ZNF84: variants seen among roughly 807,000 people sequenced by gnomAD.
ZNF84 encodes the protein zinc finger protein 84, also known as zinc finger protein HPF2.
In ZNF84, 12 loss-of-function variants were observed where a neutral mutation model predicts 14.8. That is an observed-to-expected ratio of 0.81 (90% CI 0.52 to 1.31). ZNF84 has a LOEUF of 1.31. Ranked by LOEUF, ZNF84 falls within the 50% of genes most tolerant of loss-of-function variation. The probability of loss-of-function intolerance (pLI) is 0.00; values close to 1 mark genes in which losing one functional copy is unlikely to be tolerated. For synonymous variants in ZNF84, 347 were observed against 291.1 expected (o/e 1.19, Z -1.96); for missense variants, 859 against 878.6 (o/e 0.98, Z 0.28).
At chr12:133,046,973 T>TTA (rs61361964) in intron 2 of ZNF84, among the ~76,000 whole-genome samples, 64,701 of 140,774 alleles carry the variant, frequency 0.46, 16,731 homozygotes, top group East Asian at 0.78. Flanking sequence ...ATTATATTAT[T>TTA]TATATATATA....
intron 4 of ZNF84, among the ~76,000 whole-genome samples, chr12:133,056,215 A>C (rs1954155257): frequency 6.6e-6 from 1 of 152,130 alleles, no homozygotes; most frequent in Non-Finnish European, 1.5e-5. Flanking sequence ...TTTCCATTAC[A>C]ATATAAATTT....
chr12:133,059,070 G>T lies in ZNF84; in HGVS notation c.*138G>T, dbSNP rs1954213576. ...AGAACTCTAAATGAGGTGGTGTATG[G>T]AAAGCCGATCATAATTCATAGAGTA... On this transcript the variant is annotated 3_prime_UTR_variant, in exon 5 of 5. Transcript: ENST00000539354. 1 of 856,248 alleles carries T rather than the reference G, an allele frequency of 1.2e-6. No individual in the cohort carries two copies. Among genetic ancestry groups the T allele is most frequent in the Non-Finnish European group, 1.8e-6 (1 of 561,936 alleles). 53.0% of individuals were successfully genotyped at this position (856,248 alleles called of 1,614,324 possible).
intron 2 of ZNF84, among the ~76,000 whole-genome samples, chr12:133,043,423 C>G (rs1016028081): frequency 8.5e-5 from 13 of 152,312 alleles, no homozygotes; most frequent in East Asian, 3.9e-4. Context: ...CCTTAGCCCC[C>G]CAAAGTGTGT....
chr12:133,057,717 C>T lies in ZNF84; in HGVS notation c.1002C>T (p.Leu334=), dbSNP rs76518979. The T allele has an allele frequency of 4.3e-4, 700 of 1,613,968 alleles. 6 individuals are homozygous for T. In the African/African-American group the frequency reaches 8.6e-3, roughly 20 times the overall value. Residue 334 remains leucine (L), a synonymous_variant, in exon 5 of 5, where the codon CTC becomes CTT. Transcript: ENST00000539354. ...CGRAFSEKSN[L]INHQRIHTGE... is the part of the protein sequence containing the mutation. ...GGGCCTTTAGTGAAAAGTCCAATCT[C>T]ATTAACCATCAGAGAATTCATACCG...
intron 4 of ZNF84, 114 bp downstream of exon 4, chr12:133,048,962 C>G (rs1462001546): frequency 5.2e-6 from 4 of 771,684 alleles, no homozygotes; most frequent in Admixed American, 4.6e-5. Context: ...GTTGGCTGGT[C>G]AGTGACGGGT....
chr12:133,054,318 G>C (rs2137402129), intron 4 of ZNF84, among the ~76,000 whole-genome samples: 1 of 152,254 alleles, frequency 6.6e-6, no homozygotes, highest in Non-Finnish European at 1.5e-5. Flanking sequence ...CTGGGAGCCT[G>C]GGGGGTTGAG....
chr12:133,052,184 A>C (rs2137391787), intron 4 of ZNF84, among the ~76,000 whole-genome samples: 1 of 152,204 alleles, frequency 6.6e-6, no homozygotes, highest in Admixed American at 6.5e-5. Context: ...TCAGTTTTGG[A>C]GATGGAAAGT....
At chr12:133,046,213 C>T (rs1953974717) in intron 2 of ZNF84, among the ~76,000 whole-genome samples, 1 of 152,056 alleles carries the variant, frequency 6.6e-6, no homozygotes, top group South Asian at 2.1e-4. Context: ...TGATGGCTAA[C>T]TTGGCAACAA....
Position 133,060,129 on chromosome 12 carries a change from A to G in ZNF84, c.*1197A>G, listed in dbSNP as rs1954233940. The G allele has an allele frequency of 1.3e-5, 2 of 152,336 alleles. No homozygotes were observed. Among genetic ancestry groups the G allele is most frequent in the Admixed American group, 1.3e-4 (2 of 15,304 alleles). 9.4% of individuals were successfully genotyped at this position (152,336 alleles called of 1,614,324 possible). On this transcript the variant is annotated 3_prime_UTR_variant, in exon 5 of 5. Coordinates refer to ENST00000539354, the MANE Select transcript of ZNF84 (RefSeq NM_001289971.2). ...AGGTGCCTCCATATAGTATATATAT[A>G]TGTATCTTAAGTGATATGTAACCCA...
Position 133,057,734 on chromosome 12 carries a change from T to A in ZNF84, c.1019T>A (p.Ile340Asn). ...EKSNLINHQR[I>N]HTGEKPFECR... is the part of the protein sequence containing the mutation. ...TCCAATCTCATTAACCATCAGAGAA[T>A]TCATACCGGTGAGAAGCCTTTTGAA... The change falls in exon 5 of 5, where the codon ATT (isoleucine) becomes AAT (asparagine). Residue 340 changes from isoleucine to asparagine, a missense_variant. Transcript: ENST00000539354. 2 of 1,613,318 alleles carry A rather than the reference T, an allele frequency of 1.2e-6. No individual in the cohort carries two copies. Among genetic ancestry groups the A allele is most frequent in the Non-Finnish European group, 1.7e-6 (2 of 1,179,856 alleles).
chr12:133,046,890 T>TATTA (rs57233883), intron 2 of ZNF84, among the ~76,000 whole-genome samples: 4,291 of 144,008 alleles, frequency 0.03, 245 homozygotes, highest in African/African-American at 0.1. Flanking sequence ...TTATATATTA[T>TATTA]TTTTAATATA....
intron 2 of ZNF84, among the ~76,000 whole-genome samples, chr12:133,043,426 A>T (rs775966908): frequency 6.6e-6 from 1 of 152,070 alleles, no homozygotes; most frequent in Non-Finnish European, 1.5e-5. Flanking sequence ...TAGCCCCCCA[A>T]AGTGTGTGAG....
intron 2 of ZNF84, among the ~76,000 whole-genome samples, chr12:133,045,207 A>G (rs1434846359): frequency 6.6e-6 from 1 of 152,104 alleles, no homozygotes; most frequent in Admixed American, 6.6e-5. Context: ...ACGGTGGCTC[A>G]CACCTGTAAT....
Position 133,057,711 on chromosome 12 carries a change from C to T in ZNF84, c.996C>T (p.Ser332=). Residue 332 remains serine (S), a synonymous_variant, in exon 5 of 5, where the codon TCC becomes TCT. Coordinates refer to ENST00000539354, the MANE Select transcript of ZNF84 (RefSeq NM_001289971.2). ...GTGGGAGGGCCTTTAGTGAAAAGTC[C>T]AATCTCATTAACCATCAGAGAATTC... ...NECGRAFSEK[S]NLINHQRIHT... The T allele has an allele frequency of 6.2e-7, 1 of 1,612,962 alleles. No homozygotes were observed. The highest frequency in any genetic ancestry group is 1.1e-5 in the South Asian group (1 of 91,022).
chr12:133,058,305 C>G lies in ZNF84; in HGVS notation c.1590C>G (p.Leu530=). ...AAGCCTTTTGTCAGAAGTCACATCT[C>G]ATATCACATCAGAGGACACATACAG... is the stretch of plus-strand genomic sequence containing the variant. The part of the protein sequence containing the change: ...CGKAFCQKSH[L]ISHQRTHTGE... Residue 530 remains leucine, a synonymous_variant, in exon 5 of 5, where the codon CTC becomes CTG. Transcript: ENST00000539354. 6.2e-7 allele frequency: 1 copy of G among 1,614,034 alleles called. No individual in the cohort carries two copies. Among genetic ancestry groups the G allele is most frequent in the African/African-American group, 1.3e-5 (1 of 74,996 alleles).
intron 1 of ZNF84, chr12:133,039,068 C>T (rs1025813975): frequency 6.6e-6 from 1 of 152,056 alleles, no homozygotes; most frequent in Admixed American, 6.6e-5. Context: ...TATATTTTGC[C>T]ATCATATATT....
At chr12:133,055,270 T>C (rs1954134449) in intron 4 of ZNF84, among the ~76,000 whole-genome samples, 1 of 152,076 alleles carries the variant, frequency 6.6e-6, no homozygotes, top group Non-Finnish European at 1.5e-5. Context: ...ATTACAAAAG[T>C]AAACTCAAAA....
intron 2 of ZNF84, chr12:133,047,744 G>A (rs1175415932): frequency 1.7e-5 from 7 of 423,598 alleles, no homozygotes; most frequent in Admixed American, 3.5e-5. Flanking sequence ...CTTCTGGAGA[G>A]GCTCTCTTTA....
At chr12:133,054,347 A>C (rs2137402373) in intron 4 of ZNF84, among the ~76,000 whole-genome samples, 1 of 152,276 alleles carries the variant, frequency 6.6e-6, no homozygotes, top group African/African-American at 2.4e-5. Flanking sequence ...ACAACACTGC[A>C]CTTCAATATG....
Sources: allele counts gnomAD v4.1 joint callset (sites outside exome capture counted in the v4.1 genomes callset), GRCh38; gene constraint gnomAD v4.1.1; transcripts MANE v1.5; gene names NCBI Gene and HGNC (gene_info 2026-07-23, HGNC 2026-07-21).